Variants in MYRIP observed in about 807,000 individuals in gnomAD.
MYRIP encodes rab effector MyRIP.
In MYRIP, 49 loss-of-function variants were observed where a neutral mutation model predicts 98.0. The observed-to-expected ratio is 0.50, with a 90% CI of 0.40 to 0.63. MYRIP has a LOEUF of 0.63. Among genes scored for constraint, MYRIP ranks in the 30% least tolerant of loss-of-function variants. The pLI is 0.00. For missense variants in MYRIP, 1,004 were observed against 1,058.2 expected, an observed-to-expected ratio of 0.95 and a Z score of 0.71; for synonymous variants, 404 against 409.5, an observed-to-expected ratio of 0.99 and a Z score of 0.16.
intron 3 of MYRIP, among the ~76,000 whole-genome samples, chr3:40,119,923 A>AT (rs543030750): frequency 6.6e-6 from 1 of 151,696 alleles, no homozygotes; most frequent in East Asian, 1.9e-4. Flanking sequence ...TAATAATAAT[A>AT]AAATAAATAA....
intron 1 of MYRIP, among the ~76,000 whole-genome samples, chr3:39,877,756 G>C (rs1475153468): frequency 3.3e-5 from 5 of 151,968 alleles, no homozygotes; most frequent in African/African-American, 7.2e-5. Flanking sequence ...GCCCCTACTG[G>C]GGGGTACCTC....
At chr3:39,837,226 C>T (rs1331546411) in intron 1 of MYRIP, among the ~76,000 whole-genome samples, 1 of 152,172 alleles carries the variant, frequency 6.6e-6, no homozygotes, top group Non-Finnish European at 1.5e-5. Context: ...TTAATTAGAT[C>T]CCATTTGTCA....
At chr3:39,944,332 G>A (rs1033979065) in intron 2 of MYRIP, among the ~76,000 whole-genome samples, 1 of 151,872 alleles carries the variant, frequency 6.6e-6, no homozygotes, top group Non-Finnish European at 1.5e-5. Flanking sequence ...AACATACTAT[G>A]GTATATCCAG....
chr3:40,176,670 G>A (rs1387015142), intron 8 of MYRIP, among the ~76,000 whole-genome samples: 1 of 152,136 alleles, frequency 6.6e-6, no homozygotes, highest in Non-Finnish European at 1.5e-5. Flanking sequence ...CACTTTGGGA[G>A]GCCAAGGTGG....
rs192523900 is a variant in MYRIP at position 40,073,283 on chromosome 3, A to G, written c.332+29012A>G. ...TAGTAAAGTAAGCAAAAGGTTTATTAAGGAAATAAGAGTACACTCCAAGAG... is the reference window on the plus strand; with the variant it reads ...TAGTAAAGTAAGCAAAAGGTTTATTGAGGAAATAAGAGTACACTCCAAGAG... On this transcript the variant is annotated intron_variant, in intron 3 of 16. Coordinates refer to ENST00000302541, the MANE Select transcript of MYRIP (RefSeq NM_015460.4). 2.0e-3 allele frequency among the ~76,000 whole-genome samples: 306 copies of G among 152,310 alleles called. 7 individuals carry two copies. The highest frequency in any genetic ancestry group is 2.8e-4 in the Non-Finnish European group (19 of 68,036).
chr3:40,170,081 C>T lies in MYRIP; in HGVS notation c.861C>T (p.Pro287=), dbSNP rs762557431. ...TSASPGGYRA[P]AALWRSQSAF... is the part of the protein sequence containing the mutation. ...CATCCCCTGGAGGCTACCGTGCTCC[C>T]GCTGCCCTCTGGGTGAGTCCCCAAG... Residue 287 remains proline, a synonymous_variant, in exon 8 of 17, where the codon CCC becomes CCT. Transcript: ENST00000302541. 83 of 1,614,016 alleles carry T rather than the reference C, an allele frequency of 5.1e-5. No individual in the cohort carries two copies. The highest frequency in any genetic ancestry group is 5.3e-5 in the African/African-American group (4 of 74,932).
chr3:39,922,053 G>A (rs1156905544), intron 2 of MYRIP, among the ~76,000 whole-genome samples: 3 of 152,132 alleles, frequency 2.0e-5, no homozygotes, highest in African/African-American at 7.2e-5. Context: ...GACAGAAGAA[G>A]GCAGACTGGC....
intron 3 of MYRIP, among the ~76,000 whole-genome samples, chr3:40,045,447 G>C (rs1332929137): frequency 1.3e-5 from 2 of 152,098 alleles, no homozygotes; most frequent in African/African-American, 2.4e-5. Flanking sequence ...GAAAGGGGGA[G>C]GAAAAGCCCT....
intron 2 of MYRIP, among the ~76,000 whole-genome samples, chr3:39,998,849 A>G (rs1265435450): frequency 1.3e-5 from 2 of 152,192 alleles, no homozygotes; most frequent in Non-Finnish European, 2.9e-5. Context: ...AATGGAACAC[A>G]ACGGAGTCCT....
At chr3:40,153,901 G>A (rs533412965) in intron 4 of MYRIP, among the ~76,000 whole-genome samples, 44 of 152,042 alleles carry the variant, frequency 2.9e-4, no homozygotes, top group Non-Finnish European at 8.8e-5. Flanking sequence ...CAGCACTTTC[G>A]GAGGCTGAGG....
At chr3:39,947,584 C>T (rs1944931548) in intron 2 of MYRIP, among the ~76,000 whole-genome samples, 1 of 152,094 alleles carries the variant, frequency 6.6e-6, no homozygotes, top group Non-Finnish European at 1.5e-5. Flanking sequence ...GACTAGCAGC[C>T]ATGGTTTCAC....
intron 2 of MYRIP, among the ~76,000 whole-genome samples, chr3:39,980,729 C>T (rs901429705): frequency 2.6e-5 from 4 of 152,204 alleles, no homozygotes; most frequent in Non-Finnish European, 5.9e-5. Flanking sequence ...ATTTAAACAG[C>T]AATGCATATT....
In MYRIP at chr3:40,095,980, C is replaced by T. The variant is rs530411136; in HGVS notation, c.332+51709C>T. On this transcript the variant is annotated intron_variant, in intron 3 of 16. Coordinates refer to ENST00000302541, the MANE Select transcript of MYRIP (RefSeq NM_015460.4). ...CATACACATACATGATATACCCAAT[C>T]TCTCTCACTCTCATGCACACTTCCC... is the stretch of plus-strand genomic sequence containing the variant. 8.6e-5 allele frequency among the ~76,000 whole-genome samples: 13 copies of T among 151,658 alleles called. No homozygotes were observed. In the South Asian group the frequency reaches 1.5e-3, roughly 17 times the overall value.
At chr3:40,243,452 T>C (rs1221836237) in intron 12 of MYRIP, among the ~76,000 whole-genome samples, 1 of 150,738 alleles carries the variant, frequency 6.6e-6, no homozygotes, top group Admixed American at 6.6e-5. Flanking sequence ...TCTTGACTCA[T>C]CTTCAACTCT....
intron 10 of MYRIP, among the ~76,000 whole-genome samples, chr3:40,194,553 C>A (rs751823881): frequency 3.9e-5 from 6 of 151,922 alleles, no homozygotes; most frequent in Non-Finnish European, 8.8e-5. Context: ...AGCATTTTGG[C>A]TTTTCTCAGT....
In MYRIP at chr3:39,876,838, A is replaced by C. The variant is rs956841455; in HGVS notation, c.-30-23949A>C. Among the ~76,000 whole-genome samples, 461 of 151,586 alleles carry C rather than the reference A, an allele frequency of 3.0e-3. 4 individuals carry two copies. The highest frequency in any genetic ancestry group is 0.011 in the African/African-American group (445 of 41,064). ...ATGTGTCTTGGAGTTGCTCTTCTCG[A>C]GGAGTATCTTTGTGGTGTTCTCTGT... On this transcript the variant is annotated intron_variant, in intron 1 of 16. Transcript: ENST00000302541.
intron 1 of MYRIP, among the ~76,000 whole-genome samples, chr3:39,864,442 A>G (rs535829076): frequency 6.8e-4 from 103 of 152,252 alleles, no homozygotes; most frequent in African/African-American, 2.3e-3. Flanking sequence ...TAATAACTTT[A>G]CAATAAAGTT....
In MYRIP at chr3:40,073,698, G is replaced by C. The variant is rs79556147; in HGVS notation, c.332+29427G>C. Among the ~76,000 whole-genome samples the C allele has an allele frequency of 9.5e-4, 144 of 152,360 alleles. 2 individuals are homozygous for C. Among genetic ancestry groups the C allele is most frequent in the African/African-American group, 3.4e-3 (141 of 41,578 alleles). On this transcript the variant is annotated intron_variant, in intron 3 of 16. Transcript: ENST00000302541. ...TATATTCTGACAAGTTAATTACAGAGTAAGTGATTACTGGGCATCTTAAGG... is the reference window on the plus strand; with the variant it reads ...TATATTCTGACAAGTTAATTACAGACTAAGTGATTACTGGGCATCTTAAGG...
chr3:40,084,681 T>C lies in MYRIP; in HGVS notation c.332+40410T>C, dbSNP rs1284678355. 1.8e-4 allele frequency among the ~76,000 whole-genome samples: 26 copies of C among 146,412 alleles called. 6 individuals carry two copies. Among genetic ancestry groups the C allele is most frequent in the African/African-American group, 4.8e-4 (19 of 39,410 alleles). On this transcript the variant is annotated intron_variant, in intron 3 of 16. Transcript: ENST00000302541. Reference sequence around the variant, plus strand: ...CTATGTATTACATATCGATAGATAATATCTATGTATTACATATCGATAGAT... The same window carrying C: ...CTATGTATTACATATCGATAGATAACATCTATGTATTACATATCGATAGAT...
Sources: allele counts gnomAD v4.1 joint callset (sites outside exome capture counted in the v4.1 genomes callset), GRCh38; gene constraint gnomAD v4.1.1; transcripts MANE v1.5; gene names NCBI Gene and HGNC (gene_info 2026-07-23, HGNC 2026-07-21).